The following TEX48 variants were observed in gnomAD, a reference collection of about 807,000 sequenced individuals.
The protein encoded by TEX48 is testis expressed 48.
A neutral mutation model predicts 13.2 loss-of-function variants in TEX48; 10 were observed. That is an observed-to-expected ratio of 0.75 (90% CI 0.47 to 1.28). The LOEUF (loss-of-function observed/expected upper bound fraction) is 1.28, where lower values mean the gene tolerates loss of function less well. Ranked by LOEUF, TEX48 falls within the 50% of genes most tolerant of loss-of-function variation. The pLI is 0.00. For missense variants in TEX48, 116 were observed against 139.4 expected, an observed-to-expected ratio of 0.83 and a Z score of 0.84; for synonymous variants, 45 against 52.3, an observed-to-expected ratio of 0.86 and a Z score of 0.60.
intron 4 of TEX48, 127 bp downstream of exon 4, chr9:114,668,079 T>G (rs2296946): frequency 0.047 from 56,599 of 1,216,118 alleles, 1,913 homozygotes; most frequent in East Asian, 0.13. Flanking sequence ...TGACTGGGGC[T>G]GCTTGATGGG....
At chr9:114,668,068 ATGAC>A (rs1192758395) in intron 4 of TEX48, 134 bp downstream of exon 4, 1 of 1,101,280 alleles carries the variant, frequency 9.1e-7, no homozygotes, top group African/African-American at 1.6e-5. Flanking sequence ...GCTCTGGAAT[ATGAC>A]TGGGGCTGCT....
At chr9:114,673,105 A>T (rs866624770) in intron 1 of TEX48, among the ~76,000 whole-genome samples, 1 of 152,100 alleles carries the variant, frequency 6.6e-6, no homozygotes, top group Non-Finnish European at 1.5e-5. Flanking sequence ...ATTTGGCAAT[A>T]GTGGCTGAAA....
intron 4 of TEX48, among the ~76,000 whole-genome samples, chr9:114,667,978 C>G (rs1371450068): frequency 6.6e-6 from 1 of 152,126 alleles, no homozygotes; most frequent in African/African-American, 2.4e-5. Flanking sequence ...GCCCTTCCCC[C>G]CAGACCTGCT....
intron 1 of TEX48, among the ~76,000 whole-genome samples, chr9:114,673,628 C>A (rs1827992558): frequency 1.3e-5 from 2 of 151,848 alleles, no homozygotes; most frequent in South Asian, 4.2e-4. Context: ...AAATATCCTT[C>A]AATAATTAAG....
intron 1 of TEX48, among the ~76,000 whole-genome samples, chr9:114,681,792 A>G (rs1021785489): frequency 7.4e-6 from 1 of 136,050 alleles, no homozygotes; most frequent in Non-Finnish European, 1.6e-5. Flanking sequence ...CAGAAGAAAG[A>G]TGAATGAGGT....
At chr9:114,680,120 CCT>C (rs199517974) in intron 1 of TEX48, among the ~76,000 whole-genome samples, 1,117 of 52,114 alleles carry the variant, frequency 0.021, 22 homozygotes, top group African/African-American at 0.079. Context: ...TGTCATTGTC[CCT>C]TTTTTTTTTT....
chr9:114,674,652 TCCTTCCTTCCTTCC>T (rs1564317158), intron 1 of TEX48, among the ~76,000 whole-genome samples: 51 of 113,516 alleles, frequency 4.5e-4, no homozygotes, highest in African/African-American at 2.1e-3. Flanking sequence ...CTTCCTTCCT[TCCTTCCTTCCTTCC>T]TTCTTTCCTT....
chr9:114,669,135 C>T (rs1210504685), intron 3 of TEX48, among the ~76,000 whole-genome samples: 1 of 152,076 alleles, frequency 6.6e-6, no homozygotes, highest in Non-Finnish European at 1.5e-5. Context: ...GCCATCTCAC[C>T]CAGCCCTGCA....
In TEX48 at chr9:114,671,761, T is replaced by C. The variant is rs1827952066; in HGVS notation, c.-38A>G. On this transcript the variant is annotated 5_prime_UTR_variant, in exon 2 of 5. Transcript: ENST00000436752. ...AAACTTCTACTCTGCCAGCTTTGTC[T>C]GCAGGGGTGCCTTGTTGAATCAGCC... 2.0e-6 allele frequency: 3 copies of C among 1,535,492 alleles called. No individual in the cohort carries two copies. The highest frequency in any genetic ancestry group is 1.4e-5 in the African/African-American group (1 of 73,166).
intron 3 of TEX48, among the ~76,000 whole-genome samples, chr9:114,668,623 C>T (rs914841249): frequency 1.3e-5 from 2 of 152,064 alleles, no homozygotes; most frequent in African/African-American, 4.8e-5. Context: ...CAATTCAGGG[C>T]AAAGTATGTA....
chr9:114,671,953 A>T, intron 1 of TEX48, 126 bp from the exon 2 acceptor site: 1 of 582,072 alleles, frequency 1.7e-6, no homozygotes, highest in South Asian at 2.0e-5. Flanking sequence ...CTCAGGTTTC[A>T]GATAGCTCTG....
Position 114,671,497 on chromosome 9 carries a change from G to T in TEX48, c.13C>A (p.Gln5Lys). MAAH[Q>K]NLILKIFCLC... Reference sequence around the variant, plus strand: ...CAGAAGATCTTCAAGATCAGGTTTTGGTGGGCTGCTGTTGGAGGCAAAGGA... The same window carrying T: ...CAGAAGATCTTCAAGATCAGGTTTTTGTGGGCTGCTGTTGGAGGCAAAGGA... Residue 5 changes from glutamine (Q) to lysine (K), a missense_variant, in exon 3 of 5, where the codon CAA becomes AAA. Coordinates refer to ENST00000436752, the MANE Select transcript of TEX48 (RefSeq NM_001199233.2). 6.5e-7 allele frequency: 1 copy of T among 1,532,312 alleles called. No homozygotes were observed. Among genetic ancestry groups the T allele is most frequent in the South Asian group, 1.2e-5 (1 of 83,800 alleles). The allele number at this position is 1,532,312 out of a possible 1,614,324, so 94.9% of individuals were successfully genotyped here. A position where few individuals can be genotyped will look rare whatever the true frequency, so the allele number is the denominator to read the frequency against.
In TEX48 at chr9:114,671,374, G is replaced by T; in HGVS notation, c.127+9C>A. The T allele has an allele frequency of 6.5e-7, 1 of 1,535,092 alleles. No homozygotes were observed. The highest frequency in any genetic ancestry group is 1.2e-5 in the South Asian group (1 of 83,912). Reference sequence around the variant, plus strand: ...GAGGCCATGCAGAGTGTCCTTATCTGATACCTACTTTGGGTCGATGGCTTG... The same window carrying T: ...GAGGCCATGCAGAGTGTCCTTATCTTATACCTACTTTGGGTCGATGGCTTG... On this transcript the variant is annotated intron_variant, in intron 3 of 4. Transcript: ENST00000436752.
intron 1 of TEX48, 31 bp downstream of exon 1, chr9:114,682,004 C>T (rs933345605): frequency 5.9e-5 from 9 of 152,200 alleles, no homozygotes; most frequent in African/African-American, 1.7e-4. Context: ...TCACCTCCCG[C>T]CCTTTGGTTT....
At chr9:114,677,368 A>G (rs945035615) in intron 1 of TEX48, among the ~76,000 whole-genome samples, 13 of 151,684 alleles carry the variant, frequency 8.6e-5, no homozygotes, top group Non-Finnish European at 1.3e-4. Context: ...TCATTTTCCT[A>G]TAATTTATAA....
At chr9:114,672,776 T>C (rs1827973692) in intron 1 of TEX48, among the ~76,000 whole-genome samples, 1 of 151,814 alleles carries the variant, frequency 6.6e-6, no homozygotes, top group Non-Finnish European at 1.5e-5. Context: ...TAGGAAAAAA[T>C]GGGTATAGTA....
At chr9:114,681,228 G>A (rs914192739) in intron 1 of TEX48, among the ~76,000 whole-genome samples, 1 of 152,106 alleles carries the variant, frequency 6.6e-6, no homozygotes, top group East Asian at 1.9e-4. Context: ...TGAAGCGCAG[G>A]TTTGTTGACA....
chr9:114,681,242 C>T (rs1172918810), intron 1 of TEX48, among the ~76,000 whole-genome samples: 4 of 152,248 alleles, frequency 2.6e-5, no homozygotes, highest in Admixed American at 2.6e-4. Flanking sequence ...GTTGACACCC[C>T]GTGCTGATGC....
chr9:114,666,442 A>C lies in TEX48; in HGVS notation c.*201T>G, dbSNP rs774228975. ...AAGAGAAGGACACATCCTCTGGTGC[A>C]ATCAAGAACTTTAATTGGAGGCAGC... On this transcript the variant is annotated 3_prime_UTR_variant, in exon 5 of 5. Transcript: ENST00000436752. 1.0e-4 allele frequency: 50 copies of C among 489,368 alleles called. No homozygotes were observed. Among genetic ancestry groups the C allele is most frequent in the Admixed American group, 6.9e-4 (18 of 26,110 alleles). 30.3% of individuals were successfully genotyped at this position (489,368 alleles called of 1,614,324 possible).
Sources: gnomAD v4.1 joint callset for allele counts (sites outside exome capture counted in the v4.1 genomes callset) on GRCh38, gnomAD v4.1.1 for gene constraint, MANE v1.5 for transcripts, NCBI Gene and HGNC (gene_info 2026-07-23, HGNC 2026-07-21) for gene names.